The following MALRD1 variants were observed in gnomAD, a reference collection of about 807,000 sequenced individuals.
The protein encoded by MALRD1 is MAM and LDL-receptor class A domain-containing protein 1.
In MALRD1, 247 loss-of-function variants were observed where a neutral mutation model predicts 242.1. The observed-to-expected ratio is 1.02, with a 90% CI of 0.92 to 1.13. MALRD1 has a LOEUF of 1.13. Among genes scored for constraint, MALRD1 ranks in the 50% most tolerant of loss-of-function variants. The probability of loss-of-function intolerance (pLI) is 0.00; values close to 1 mark genes in which losing one functional copy is unlikely to be tolerated. For missense variants in MALRD1, 2,989 were observed against 2,533.1 expected (o/e 1.18, Z -3.86); for synonymous variants, 995 against 866.6 (o/e 1.15, Z -2.60).
intron 11 of MALRD1, among the ~76,000 whole-genome samples, chr10:19,154,646 A>G (rs1250238410): frequency 6.6e-6 from 1 of 152,238 alleles, no homozygotes; most frequent in Non-Finnish European, 1.5e-5. Context: ...AACAATGTCA[A>G]ACATGTAAGA....
At chr10:19,310,678 C>A (rs771498458) in intron 21 of MALRD1, among the ~76,000 whole-genome samples, 1 of 151,442 alleles carries the variant, frequency 6.6e-6, no homozygotes, top group Non-Finnish European at 1.5e-5. Context: ...CAGTCAGCAG[C>A]CTACTTCTCT....
At chr10:19,359,437 C>T (rs1289903104) in intron 26 of MALRD1, among the ~76,000 whole-genome samples, 3 of 152,016 alleles carry the variant, frequency 2.0e-5, no homozygotes, top group Admixed American at 6.6e-5. Flanking sequence ...TAGACAAAGA[C>T]GTTTTGAAGA....
intron 38 of MALRD1, among the ~76,000 whole-genome samples, chr10:19,719,207 T>TACATAC (rs1172128840): frequency 1.5e-5 from 1 of 67,376 alleles, no homozygotes; most frequent in Non-Finnish European, 2.5e-5. Flanking sequence ...TATATATATA[T>TACATAC]ATATACACAT....
intron 21 of MALRD1, among the ~76,000 whole-genome samples, chr10:19,291,664 A>G (rs1258298877): frequency 6.6e-6 from 1 of 152,170 alleles, no homozygotes; most frequent in East Asian, 1.9e-4. Context: ...TATTGCTAAA[A>G]GAGGGTCGCT....
At chr10:19,165,549 T>C in intron 12 of MALRD1, 88 bp from the exon 13 acceptor site, 3 of 1,037,878 alleles carry the variant, frequency 2.9e-6, no homozygotes, top group Non-Finnish European at 3.7e-6. Flanking sequence ...GCAGATCACC[T>C]GAGGTCAGGA....
intron 18 of MALRD1, among the ~76,000 whole-genome samples, chr10:19,228,312 A>G (rs1314587739): frequency 6.6e-6 from 1 of 152,206 alleles, no homozygotes; most frequent in Non-Finnish European, 1.5e-5. Flanking sequence ...CCAATGTATC[A>G]TTCCACTAAT....
intron 36 of MALRD1, among the ~76,000 whole-genome samples, chr10:19,686,998 G>GA (rs201361810): frequency 0.048 from 6,784 of 142,082 alleles, 296 homozygotes; most frequent in African/African-American, 0.13. Context: ...AGTGCTCTTT[G>GA]AAAAAAAAAA....
intron 18 of MALRD1, among the ~76,000 whole-genome samples, chr10:19,228,944 G>GC (rs1297536510): frequency 1.3e-5 from 2 of 150,950 alleles, no homozygotes; most frequent in South Asian, 2.1e-4. Flanking sequence ...TATTTACTCA[G>GC]CCCCCCCAAA....
At chr10:19,260,454 T>A (rs945655726) in intron 19 of MALRD1, among the ~76,000 whole-genome samples, 4 of 152,138 alleles carry the variant, frequency 2.6e-5, no homozygotes, top group African/African-American at 9.7e-5. Flanking sequence ...TATTTGAAAT[T>A]TCAACTGGGA....
chr10:19,634,963 AATG>A (rs1840065710), intron 36 of MALRD1, among the ~76,000 whole-genome samples: 1 of 152,166 alleles, frequency 6.6e-6, no homozygotes, highest in Non-Finnish European at 1.5e-5. Flanking sequence ...CTGAAATTAG[AATG>A]AAGAAATGGT....
chr10:19,531,062 A>C, intron 31 of MALRD1, 132 bp from the exon 32 acceptor site: 1 of 746,222 alleles, frequency 1.3e-6, no homozygotes, highest in Non-Finnish European at 2.0e-6. Context: ...TATGACTCCC[A>C]AAATCAAAAT....
intron 38 of MALRD1, among the ~76,000 whole-genome samples, chr10:19,693,103 C>A (rs547641149): frequency 7.2e-5 from 11 of 151,902 alleles, no homozygotes; most frequent in Admixed American, 2.6e-4. Context: ...TTATGACAAA[C>A]CCACAGCCAA....
intron 4 of MALRD1, among the ~76,000 whole-genome samples, chr10:19,102,525 G>T (rs1478619079): frequency 1.3e-5 from 2 of 152,026 alleles, no homozygotes; most frequent in Non-Finnish European, 2.9e-5. Flanking sequence ...ATAGAAAAAT[G>T]ATCTGTTGTG....
chr10:19,364,252 C>A (rs1353294275), intron 26 of MALRD1, among the ~76,000 whole-genome samples: 1 of 152,086 alleles, frequency 6.6e-6, no homozygotes, highest in Non-Finnish European at 1.5e-5. Flanking sequence ...TGTTTAATAA[C>A]AACTGACATG....
chr10:19,730,333 G>A (rs1835237447), intron 38 of MALRD1, among the ~76,000 whole-genome samples: 1 of 152,184 alleles, frequency 6.6e-6, no homozygotes, highest in South Asian at 2.1e-4. Context: ...AGGACTTCAA[G>A]ATGGCCTTTC....
chr10:19,715,763 T>C (rs1834354263), intron 38 of MALRD1, among the ~76,000 whole-genome samples: 1 of 152,198 alleles, frequency 6.6e-6, no homozygotes. Context: ...CTTACAATCA[T>C]GGCGGAAGGC....
At chr10:19,124,459 ATAACTTG>A in intron 6 of MALRD1, 58 bp from the exon 7 acceptor site, 2 of 1,216,070 alleles carry the variant, frequency 1.6e-6, no homozygotes, top group Non-Finnish European at 2.1e-6. Context: ...ATTACAACAC[ATAACTTG>A]GTTAAGCAGC....
At chr10:19,707,613 G>C (rs1158512076) in intron 38 of MALRD1, among the ~76,000 whole-genome samples, 6 of 152,100 alleles carry the variant, frequency 3.9e-5, no homozygotes, top group Admixed American at 1.3e-4. Flanking sequence ...CTTAATACAA[G>C]TCATGGGTTT....
Position 19,225,156 on chromosome 10 carries a change from C to T in MALRD1, c.2991+15476C>T, listed in dbSNP as rs143409777. On this transcript the variant is annotated intron_variant, in intron 18 of 39. Coordinates refer to ENST00000454679, the MANE Select transcript of MALRD1 (RefSeq NM_001142308.3). The stretch of plus-strand genomic sequence containing the variant: ...GAGATATGTTGTATATTTTATGGTA[C>T]AATGCCTTCTGTCAATGGGGAAAAA... Among the ~76,000 whole-genome samples the T allele has an allele frequency of 2.6e-5, 4 of 152,088 alleles. No homozygotes were observed. In the East Asian group the frequency reaches 7.8e-4, roughly 29 times the overall value.
Sources: gnomAD v4.1 joint callset for allele counts (sites outside exome capture counted in the v4.1 genomes callset) on GRCh38, gnomAD v4.1.1 for gene constraint, MANE v1.5 for transcripts, NCBI Gene and HGNC (gene_info 2026-07-23, HGNC 2026-07-21) for gene names.